Variants in ADAM12 observed in about 807,000 individuals in gnomAD.
The protein encoded by ADAM12 is disintegrin and metalloproteinase domain-containing protein 12.
ADAM12 carries 70 observed loss-of-function variants against 106.4 expected under a neutral mutation model. The ratio of observed to expected loss-of-function variants is 0.66; its 90% CI spans 0.54 to 0.80. The LOEUF (loss-of-function observed/expected upper bound fraction) is 0.80. ADAM12 is among the 30% of genes least tolerant of loss of function. The probability of loss-of-function intolerance (pLI) is 0.00; values close to 1 mark genes in which losing one functional copy is unlikely to be tolerated. For missense variants in ADAM12, 1,010 were observed against 1,171.9 expected, an observed-to-expected ratio of 0.86 and a Z score of 2.02; for synonymous variants, 420 against 433.5, an observed-to-expected ratio of 0.97 and a Z score of 0.39.
chr10:126,086,680 A>AAAAATATATAT, intron 11 of ADAM12, among the ~76,000 whole-genome samples: 1 of 24,272 alleles, frequency 4.1e-5, no homozygotes, highest in East Asian at 2.7e-3. Flanking sequence ...AAAAAAAAAA[A>AAAAATATATAT]ATATATATAT....
intron 1 of ADAM12, among the ~76,000 whole-genome samples, chr10:126,359,225 G>A (rs1855654887): frequency 6.6e-6 from 1 of 152,128 alleles, no homozygotes; most frequent in Non-Finnish European, 1.5e-5. Flanking sequence ...TGGGGACACA[G>A]CCAAACCCTA....
At position 126,015,543 on chromosome 10, in the gene ADAM12, A is replaced by G. The variant is rs1391923514; in HGVS notation, c.*1736T>C. 2.6e-5 allele frequency: 4 copies of G among 152,214 alleles called. No individual in the cohort carries two copies. The highest frequency in any genetic ancestry group is 1.5e-5 in the Non-Finnish European group (1 of 68,050). The allele number at this position is 152,214 out of a possible 1,614,324, so 9.4% of individuals were successfully genotyped here. On this transcript the variant is annotated 3_prime_UTR_variant, in exon 23 of 23. Transcript: ENST00000448723. ...ATGCATGCTATACGAGTTGGAATGT[A>G]TTAGAGCTGGGTTCCCTTTTGTGTG...
At chr10:126,207,325 C>T (rs1190196950) in intron 3 of ADAM12, among the ~76,000 whole-genome samples, 1 of 152,160 alleles carries the variant, frequency 6.6e-6, no homozygotes. Context: ...GTAGAGTTGC[C>T]ACACTTTTGA....
At chr10:126,386,294 C>G (rs1856656950) in intron 1 of ADAM12, among the ~76,000 whole-genome samples, 1 of 152,106 alleles carries the variant, frequency 6.6e-6, no homozygotes, top group Admixed American at 6.6e-5. Context: ...AGGGTACAGA[C>G]AAGGCTAGGG....
At chr10:126,298,513 T>G (rs1960476803) in intron 2 of ADAM12, among the ~76,000 whole-genome samples, 1 of 151,974 alleles carries the variant, frequency 6.6e-6, no homozygotes, top group South Asian at 2.1e-4. Context: ...GCTGGAAAGT[T>G]CAGAAAAAAG....
rs561982032 is a variant in ADAM12 at position 126,306,760 on chromosome 10, GTC to G, written c.186+23650_186+23651del. Among the ~76,000 whole-genome samples the G allele has an allele frequency of 1.7e-4, 26 of 152,206 alleles. No individual in the cohort carries two copies. In the East Asian group the frequency reaches 5.0e-3, roughly 29 times the overall value. ...CAGTCTTAACTTTGCTCCTTTGAAA[GTC>G]TTTTTTCCTCTGAATGTTTAATAGA... is the stretch of plus-strand genomic sequence containing the variant. On this transcript the variant is annotated intron_variant, in intron 2 of 22. Coordinates refer to ENST00000448723, the MANE Select transcript of ADAM12 (RefSeq NM_001288973.2).
intron 2 of ADAM12, among the ~76,000 whole-genome samples, chr10:126,284,499 G>A (rs1230297496): frequency 6.6e-6 from 1 of 152,110 alleles, no homozygotes; most frequent in Non-Finnish European, 1.5e-5. Flanking sequence ...GATGTTTGGT[G>A]AGTCTTCTCA....
chr10:126,294,862 C>G (rs1960299335), intron 2 of ADAM12, among the ~76,000 whole-genome samples: 1 of 151,670 alleles, frequency 6.6e-6, no homozygotes, highest in South Asian at 2.1e-4. Context: ...GCATTATTAA[C>G]TAGAAGAAAT....
At chr10:126,019,149 TTC>T (rs1408309956) in intron 22 of ADAM12, among the ~76,000 whole-genome samples, 1 of 152,084 alleles carries the variant, frequency 6.6e-6, no homozygotes, top group African/African-American at 2.4e-5. Context: ...CCTCCCCTTT[TTC>T]TCTTTCTCCT....
intron 21 of ADAM12, among the ~76,000 whole-genome samples, chr10:126,026,640 T>A (rs1195152692): frequency 6.6e-6 from 1 of 152,140 alleles, no homozygotes; most frequent in Non-Finnish European, 1.5e-5. Flanking sequence ...CACAACTCCA[T>A]GGAACCTGAA....
intron 3 of ADAM12, among the ~76,000 whole-genome samples, chr10:126,177,589 G>A (rs545607351): frequency 3.0e-4 from 46 of 152,262 alleles, no homozygotes; most frequent in Admixed American, 1.6e-3. Context: ...ACGATGATAG[G>A]AATAGATTTT....
At chr10:126,177,655 G>T (rs887031250) in intron 3 of ADAM12, among the ~76,000 whole-genome samples, 2 of 152,222 alleles carry the variant, frequency 1.3e-5, no homozygotes, top group Non-Finnish European at 2.9e-5. Context: ...TTTGGTTTAA[G>T]AATGTGGGAA....
chr10:126,282,119 T>C (rs1590728409), intron 2 of ADAM12, among the ~76,000 whole-genome samples: 1 of 152,282 alleles, frequency 6.6e-6, no homozygotes. Flanking sequence ...GCAGGTTTGG[T>C]TTCTTCTGAG....
intron 6 of ADAM12, among the ~76,000 whole-genome samples, chr10:126,113,687 A>ATATATATATAT (rs1445621528): frequency 4.1e-5 from 1 of 24,140 alleles, no homozygotes; most frequent in African/African-American, 2.0e-4. Context: ...AAAAAAAAAA[A>ATATATATATAT]ATATATATAT....
At chr10:126,315,755 C>T (rs572921033) in intron 2 of ADAM12, among the ~76,000 whole-genome samples, 75 of 152,094 alleles carry the variant, frequency 4.9e-4, no homozygotes, top group Admixed American at 1.1e-3. Context: ...AACTGCAAGG[C>T]AAGGGTGTCT....
At chr10:126,305,480 T>C (rs1214746582) in intron 2 of ADAM12, among the ~76,000 whole-genome samples, 7 of 152,080 alleles carry the variant, frequency 4.6e-5, no homozygotes, top group Non-Finnish European at 8.8e-5. Flanking sequence ...GAAAGACTGA[T>C]TGAAAAGGAA....
chr10:126,056,829 A>C lies in ADAM12; in HGVS notation c.1610-7160T>G, dbSNP rs1341414086. ...GTATTCCATGGTGTATATGTGCCAC[A>C]TTTTCTTAATCCAGTCTATCATTGT... On this transcript the variant is annotated intron_variant, in intron 14 of 22. Transcript: ENST00000448723. 1.0e-4 allele frequency among the ~76,000 whole-genome samples: 4 copies of C among 39,654 alleles called. 2 individuals are homozygous for C. Among genetic ancestry groups the C allele is most frequent in the African/African-American group, 3.4e-4 (4 of 11,648 alleles). The allele number at this position is 39,654 out of a possible 152,430, so 26.0% of individuals were successfully genotyped here.
intron 3 of ADAM12, among the ~76,000 whole-genome samples, chr10:126,156,118 T>G (rs1435495219): frequency 6.6e-6 from 1 of 152,138 alleles, no homozygotes; most frequent in Non-Finnish European, 1.5e-5. Context: ...CGCTGCCAGG[T>G]GCTAGCTGCT....
chr10:126,131,962 A>T (rs1459938022), intron 5 of ADAM12, among the ~76,000 whole-genome samples: 1 of 150,572 alleles, frequency 6.6e-6, no homozygotes, highest in East Asian at 2.0e-4. Flanking sequence ...TTTTTCTTTA[A>T]GTCAGTTTGA....
Sources: gnomAD v4.1 joint callset for allele counts (sites outside exome capture counted in the v4.1 genomes callset) on GRCh38, gnomAD v4.1.1 for gene constraint, MANE v1.5 for transcripts, NCBI Gene and HGNC (gene_info 2026-07-23, HGNC 2026-07-21) for gene names.